DLGAP2: variants seen among roughly 807,000 people sequenced by gnomAD.
DLGAP2 encodes the protein disks large-associated protein 2.
Under a neutral mutation model 100.3 loss-of-function variants are expected in DLGAP2, and 26 were observed. The ratio of observed to expected loss-of-function variants is 0.26; its 90% CI spans 0.19 to 0.36. The LOEUF (loss-of-function observed/expected upper bound fraction) is 0.36, where lower values mean the gene tolerates loss of function less well. Ranked by LOEUF, DLGAP2 falls within the 10% of genes least tolerant of loss-of-function variation. DLGAP2 has a pLI of 1.00. For missense variants in DLGAP2, 1,858 were observed against 1,453.2 expected (o/e 1.28, Z -4.53); for synonymous variants, 886 against 630.1 (o/e 1.41, Z -6.08).
intron 8 of DLGAP2, among the ~76,000 whole-genome samples, chr8:1,636,643 A>G (rs780340568): frequency 7.2e-5 from 11 of 152,286 alleles, no homozygotes; most frequent in Admixed American, 5.2e-4. Flanking sequence ...ACTTAATTTT[A>G]TCTTGTCACA....
chr8:1,301,598 C>G (rs1313656159), intron 3 of DLGAP2: 1 of 152,248 alleles, frequency 6.6e-6, no homozygotes, highest in African/African-American at 2.4e-5. Context: ...GCATGGGCGT[C>G]CCTGCCTGAT....
At chr8:1,539,225 C>T (rs1389200291) in intron 4 of DLGAP2, among the ~76,000 whole-genome samples, 1 of 152,162 alleles carries the variant, frequency 6.6e-6, no homozygotes, top group Non-Finnish European at 1.5e-5. Flanking sequence ...TAACTAACAG[C>T]ATGTCCACCA....
chr8:1,521,327 C>T (rs1157953318), intron 4 of DLGAP2, among the ~76,000 whole-genome samples: 1 of 56,512 alleles, frequency 1.8e-5, no homozygotes, highest in African/African-American at 6.0e-5. Flanking sequence ...AATACTCGGG[C>T]GGCAGGTGAT....
chr8:1,127,332 G>T (rs1462082181), intron 2 of DLGAP2, among the ~76,000 whole-genome samples: 1 of 151,994 alleles, frequency 6.6e-6, no homozygotes, highest in Non-Finnish European at 1.5e-5. Context: ...ACCATGAGGG[G>T]TCATGGAACG....
Position 1,227,153 on chromosome 8 carries a change from G to GATAGATATATATATATATATAT in DLGAP2, c.74-31695_74-31694insGATATATATATATATATATATA, listed in dbSNP as rs796173465. ...AAATGAATGGGTAAGGAAACTGTGA[G>GATAGATATATATATATATATAT]ATATATATATATATATATATAGTAT... On this transcript the variant is annotated intron_variant, in intron 2 of 14. Transcript: ENST00000637795. Among the ~76,000 whole-genome samples, 35 of 89,706 alleles carry GATAGATATATATATATATATAT rather than the reference G, an allele frequency of 3.9e-4. No individual in the cohort carries two copies. In the East Asian group the frequency reaches 5.2e-3, roughly 13 times the overall value. The allele number at this position is 89,706 out of a possible 152,430, so 58.9% of individuals were successfully genotyped here.
At chr8:1,540,869 G>A (rs773543180) in intron 4 of DLGAP2, among the ~76,000 whole-genome samples, 1 of 152,228 alleles carries the variant, frequency 6.6e-6, no homozygotes, top group African/African-American at 2.4e-5. Context: ...TCATCTATTT[G>A]GGGCTAAGAT....
At chr8:1,279,294 C>G (rs1215082484) in intron 3 of DLGAP2, among the ~76,000 whole-genome samples, 1 of 152,156 alleles carries the variant, frequency 6.6e-6, no homozygotes, top group Non-Finnish European at 1.5e-5. Context: ...ATCTTCTTCA[C>G]CTCAATTTCA....
At chr8:742,724 C>A (rs1164477789) in intron 1 of DLGAP2, among the ~76,000 whole-genome samples, 2 of 151,796 alleles carry the variant, frequency 1.3e-5, no homozygotes, top group African/African-American at 4.8e-5. Flanking sequence ...CCCAGGCTGG[C>A]CTTAGATTCC....
chr8:1,197,564 C>G (rs1452995038), intron 2 of DLGAP2, among the ~76,000 whole-genome samples: 5 of 152,116 alleles, frequency 3.3e-5, no homozygotes, highest in African/African-American at 2.4e-5. Flanking sequence ...ATGTAGCATC[C>G]AGGCCACCAG....
At chr8:993,651 G>C (rs921857043) in intron 2 of DLGAP2, among the ~76,000 whole-genome samples, 1 of 152,114 alleles carries the variant, frequency 6.6e-6, no homozygotes, top group Non-Finnish European at 1.5e-5. Context: ...TCTCCTTCAT[G>C]GGCGATTCTG....
intron 6 of DLGAP2, among the ~76,000 whole-genome samples, chr8:1,571,785 A>G (rs1802701444): frequency 8.6e-6 from 1 of 116,458 alleles, no homozygotes; most frequent in Non-Finnish European, 1.7e-5. Flanking sequence ...GATGGAGAGG[A>G]GACGGGGTGA....
chr8:783,518 G>T (rs1420602478), intron 1 of DLGAP2, among the ~76,000 whole-genome samples: 1 of 152,218 alleles, frequency 6.6e-6, no homozygotes, highest in Non-Finnish European at 1.5e-5. Context: ...CCTTAGCACA[G>T]CAGACTTCAC....
At chr8:1,117,784 C>T (rs1303605949) in intron 2 of DLGAP2, among the ~76,000 whole-genome samples, 1 of 152,190 alleles carries the variant, frequency 6.6e-6, no homozygotes, top group East Asian at 1.9e-4. Flanking sequence ...CACACAGAAT[C>T]ACCTGCGCAT....
chr8:1,167,499 C>G (rs1227774834), intron 2 of DLGAP2, among the ~76,000 whole-genome samples: 2 of 152,150 alleles, frequency 1.3e-5, no homozygotes, highest in Non-Finnish European at 2.9e-5. Flanking sequence ...ACATGAATGA[C>G]TGGAATTTCA....
chr8:1,656,183 C>T (rs540773685), intron 8 of DLGAP2, among the ~76,000 whole-genome samples: 2 of 152,028 alleles, frequency 1.3e-5, no homozygotes, highest in East Asian at 1.9e-4. Context: ...ATTAGCCAGG[C>T]GTGGTACCGC....
Position 936,907 on chromosome 8 carries a change from C to T in DLGAP2, c.73+28941C>T, listed in dbSNP as rs376870273. Among the ~76,000 whole-genome samples the T allele has an allele frequency of 5.3e-5, 8 of 152,294 alleles. No individual in the cohort carries two copies. The East Asian group carries it at 7.7e-4, about 15-fold the overall frequency. On this transcript the variant is annotated intron_variant, in intron 2 of 14. Transcript: ENST00000637795. ...GGTCCATCGTTTCACCACCGTGGAC[C>T]ATTTTCACAAAGCGCACTGCGTGAC...
At chr8:1,442,620 CCGCCAGG>C (rs1797869833) in intron 3 of DLGAP2, among the ~76,000 whole-genome samples, 6 of 148,190 alleles carry the variant, frequency 4.0e-5, no homozygotes, top group Admixed American at 4.0e-4. Context: ...GGGCATAGAC[CCGCCAGG>C]CTGATGTGGG....
In DLGAP2 at chr8:1,549,091, A is replaced by G; in HGVS notation, c.638A>G (p.Gln213Arg). 2 of 1,585,496 alleles carry G rather than the reference A, an allele frequency of 1.3e-6. No individual in the cohort carries two copies. Among genetic ancestry groups the G allele is most frequent in the Non-Finnish European group, 1.7e-6 (2 of 1,169,314 alleles). ...GACGGCTTCCACACGCTGCAGTACC[A>G]GAGGACGTCCGCGGCCGCCGAGCAG... is the stretch of plus-strand genomic sequence containing the variant. ...HRDGFHTLQY[Q>R]RTSAAAEQRS... Residue 213 changes from glutamine to arginine, a missense_variant, in exon 5 of 15, where the codon CAG becomes CGG. Gln to Arg is a conservative substitution (Grantham distance 43). Coordinates refer to ENST00000637795, the MANE Select transcript of DLGAP2 (RefSeq NM_001346810.2).
chr8:802,944 G>T (rs1796200795), intron 1 of DLGAP2, among the ~76,000 whole-genome samples: 1 of 152,178 alleles, frequency 6.6e-6, no homozygotes, highest in African/African-American at 2.4e-5. Context: ...AAGGAAAGGT[G>T]GGTGGGGTCA....
Sources: allele counts gnomAD v4.1 joint callset (sites outside exome capture counted in the v4.1 genomes callset), GRCh38; gene constraint gnomAD v4.1.1; transcripts MANE v1.5; gene names NCBI Gene and HGNC (gene_info 2026-07-23, HGNC 2026-07-21).